The following SLC5A4 variants were observed in gnomAD, a reference collection of about 807,000 sequenced individuals.
SLC5A4 encodes solute carrier family 5 member 4, also known as probable glucose sensor protein SLC5A4.
In SLC5A4, 55 loss-of-function variants were observed where a neutral mutation model predicts 70.3. The observed-to-expected ratio is 0.78, with a 90% CI of 0.63 to 0.98. SLC5A4 has a LOEUF of 0.98. SLC5A4 is among the 50% of genes least tolerant of loss of function. The probability of loss-of-function intolerance (pLI) is 0.00; values close to 1 mark genes in which losing one functional copy is unlikely to be tolerated. For missense variants in SLC5A4, 735 were observed against 839.2 expected (o/e 0.88, Z 1.53); for synonymous variants, 268 against 305.7 (o/e 0.88, Z 1.29).
At chr22:32,249,828 A>G (rs891223355) in intron 3 of SLC5A4, among the ~76,000 whole-genome samples, 1 of 152,256 alleles carries the variant, frequency 6.6e-6, no homozygotes, top group Admixed American at 6.5e-5. Context: ...AAACTTGTCC[A>G]ACCTGTGGCC....
At chr22:32,312,076 T>G in the SLC5A4 span, among the ~76,000 whole-genome samples, 1 of 152,038 alleles carries the variant, frequency 6.6e-6, no homozygotes, top group Non-Finnish European at 1.5e-5. Context: ...TGAAAACACT[T>G]AACTTGGTAC....
At chr22:32,270,431 T>G in the SLC5A4 span, 1 of 1,345,034 alleles carries the variant, frequency 7.4e-7, no homozygotes. Context: ...ATCGCCCTGG[T>G]GCCTAAGGAG....
chr22:32,284,388 C>G, the SLC5A4 span, among the ~76,000 whole-genome samples: 3 of 152,268 alleles, frequency 2.0e-5, no homozygotes, highest in East Asian at 5.8e-4. Flanking sequence ...TTATGACAAG[C>G]CTGTGGGTTG....
At chr22:32,232,758 CT>C in intron 9 of SLC5A4, 140 bp downstream of exon 9, 1 of 1,001,878 alleles carries the variant, frequency 1.0e-6, no homozygotes, top group Non-Finnish European at 1.4e-6. Flanking sequence ...CCTTTGACCA[CT>C]GTGCAGGCTG....
chr22:32,226,102 A>G (rs1430497821), intron 11 of SLC5A4, among the ~76,000 whole-genome samples: 1 of 152,252 alleles, frequency 6.6e-6, no homozygotes, highest in East Asian at 1.9e-4. Context: ...AATAACTCCA[A>G]TACACTACAT....
At chr22:32,222,036 C>T (rs977301975) in intron 13 of SLC5A4, among the ~76,000 whole-genome samples, 8 of 152,196 alleles carry the variant, frequency 5.3e-5, no homozygotes, top group Non-Finnish European at 7.3e-5. Context: ...GGATGACAGG[C>T]GTGAGCCACT....
At chr22:32,306,943 TGTGGCCAGG>T in the SLC5A4 span, among the ~76,000 whole-genome samples, 1 of 152,204 alleles carries the variant, frequency 6.6e-6, no homozygotes, top group African/African-American at 2.4e-5. Flanking sequence ...TGGTTCCAGT[TGTGGCCAGG>T]GTGGCCATGT....
intron 7 of SLC5A4, among the ~76,000 whole-genome samples, chr22:32,236,229 T>C (rs1428546115): frequency 6.6e-6 from 1 of 152,254 alleles, no homozygotes; most frequent in African/African-American, 2.4e-5. Context: ...TGCCGTCCAG[T>C]ATGGCTAGTT....
Position 32,224,257 on chromosome 22 carries a change from C to A in SLC5A4, c.1665+10G>T. On this transcript the variant is annotated intron_variant, in intron 13 of 14. Coordinates refer to ENST00000266086, the MANE Select transcript of SLC5A4 (RefSeq NM_014227.3). ...TTAAAATTAGCATGTATTCATTACT[C>A]ATCACTCACATGTACATCAGGAATG... 6.3e-7 allele frequency: 1 copy of A among 1,583,156 alleles called. No individual in the cohort carries two copies. The highest frequency in any genetic ancestry group is 1.1e-5 in the South Asian group (1 of 90,278).
chr22:32,251,799 C>T lies in SLC5A4; in HGVS notation c.283G>A (p.Gly95Arg). 1 of 1,613,594 alleles carries T rather than the reference C, an allele frequency of 6.2e-7. No individual in the cohort carries two copies. Among genetic ancestry groups the T allele is most frequent in the Non-Finnish European group, 8.5e-7 (1 of 1,179,488 alleles). ...CATTCAAATGTTACGGTGGCGACTCCTGAAGCTGCTCCTGTCCCAGCCAGC... is the reference window on the plus strand; with the variant it reads ...CATTCAAATGTTACGGTGGCGACTCTTGAAGCTGCTCCTGTCCCAGCCAGC... ...VGLAGTGAAS[G>R]VATVTFEWTS... Residue 95 changes from glycine to arginine, a missense_variant, in exon 3 of 15, where the codon GGA becomes AGA. Gly to Arg is a moderately radical substitution (Grantham distance 125, BLOSUM62 -2). Coordinates refer to ENST00000266086, the MANE Select transcript of SLC5A4 (RefSeq NM_014227.3).
At chr22:32,270,207 C>A in the SLC5A4 span, 2 of 668,914 alleles carry the variant, frequency 3.0e-6, no homozygotes. Context: ...AGGTGTGTGA[C>A]AGCATCCTTA....
the SLC5A4 span, among the ~76,000 whole-genome samples, chr22:32,318,231 A>ATTTTT: frequency 6.9e-6 from 1 of 144,732 alleles, no homozygotes; most frequent in Non-Finnish European, 1.5e-5. Flanking sequence ...GCATATGTTG[A>ATTTTT]TTTTTTTTTT....
the SLC5A4 span, among the ~76,000 whole-genome samples, chr22:32,279,664 C>A: frequency 1.3e-5 from 2 of 152,172 alleles, no homozygotes; most frequent in Non-Finnish European, 2.9e-5. Flanking sequence ...GAGGGCAGAA[C>A]CCTCATGATC....
the SLC5A4 span, among the ~76,000 whole-genome samples, chr22:32,303,400 T>C: frequency 6.6e-6 from 1 of 152,168 alleles, no homozygotes; most frequent in African/African-American, 2.4e-5. Flanking sequence ...ACAATCTACA[T>C]GTGGGGTGGC....
At chr22:32,326,867 C>T in the SLC5A4 span, among the ~76,000 whole-genome samples, 5 of 152,092 alleles carry the variant, frequency 3.3e-5, no homozygotes, top group East Asian at 3.9e-4. Flanking sequence ...GAGCAGAGGT[C>T]GGAGAGATGT....
chr22:32,303,191 A>C, the SLC5A4 span, among the ~76,000 whole-genome samples: 2 of 152,224 alleles, frequency 1.3e-5, no homozygotes, highest in Non-Finnish European at 2.9e-5. Context: ...CACGTGTCCA[A>C]GGTGGCTGGG....
chr22:32,257,671 A>AT (rs200927695), upstream of SLC5A4, among the ~76,000 whole-genome samples: 84 of 107,598 alleles, frequency 7.8e-4, no homozygotes, highest in African/African-American at 1.5e-3. Flanking sequence ...TTTTTTTTTA[A>AT]TTTTTTTTTT....
At chr22:32,247,561 C>T (rs770199992) in intron 4 of SLC5A4, 46 bp from the exon 5 acceptor site, 1 of 1,233,044 alleles carries the variant, frequency 8.1e-7, no homozygotes, top group Non-Finnish European at 1.2e-6. Context: ...CCTTAGGGCC[C>T]TGTGCGTTCA....
At chr22:32,265,565 T>C in the SLC5A4 span, among the ~76,000 whole-genome samples, 3 of 152,188 alleles carry the variant, frequency 2.0e-5, no homozygotes, top group Non-Finnish European at 2.9e-5. Flanking sequence ...ATATTTTTCA[T>C]ATTTCATATC....
Sources: allele counts gnomAD v4.1 joint callset (sites outside exome capture counted in the v4.1 genomes callset), GRCh38; gene constraint gnomAD v4.1.1; transcripts MANE v1.5; gene names NCBI Gene and HGNC (gene_info 2026-07-23, HGNC 2026-07-21).